The following SNX13 variants were observed in gnomAD, a reference collection of about 807,000 sequenced individuals.
The protein encoded by SNX13 is sorting nexin 13, also known as sorting nexin-13.
A neutral mutation model predicts 133.6 loss-of-function variants in SNX13; 45 were observed. That is an observed-to-expected ratio of 0.34 (90% CI 0.27 to 0.43). The LOEUF is 0.43. Ranked by LOEUF, SNX13 falls within the 20% of genes least tolerant of loss-of-function variation. The probability of loss-of-function intolerance (pLI) is 1.00; values close to 1 mark genes in which losing one functional copy is unlikely to be tolerated. For missense variants in SNX13, 1,032 were observed against 1,145.1 expected (o/e 0.90, Z 1.43); for synonymous variants, 414 against 373.9 (o/e 1.11, Z -1.24).
chr7:17,821,422 A>C, intron 18 of SNX13, 87 bp downstream of exon 18: 1 of 1,267,656 alleles, frequency 7.9e-7, no homozygotes, highest in African/African-American at 1.5e-5. Flanking sequence ...TTTTTAATTA[A>C]TCACTCTATC....
chr7:17,888,514 C>A (rs1796263389), intron 5 of SNX13: 3 of 229,520 alleles, frequency 1.3e-5, no homozygotes, highest in African/African-American at 2.3e-5. Context: ...AACTTAAGAA[C>A]AATTTGATTC....
intron 9 of SNX13, among the ~76,000 whole-genome samples, chr7:17,861,717 G>A (rs576743895): frequency 2.0e-4 from 30 of 152,238 alleles, no homozygotes; most frequent in Non-Finnish European, 3.1e-4. Flanking sequence ...GGAGGGCACC[G>A]TGCATGTGGG....
intron 8 of SNX13, among the ~76,000 whole-genome samples, chr7:17,868,730 A>G (rs757657510): frequency 6.6e-6 from 1 of 152,108 alleles, no homozygotes; most frequent in African/African-American, 2.4e-5. Context: ...GGAGTGAAAT[A>G]AAGCAAGATG....
At chr7:17,830,740 A>C (rs1231104540) in intron 15 of SNX13, 1 of 978,014 alleles carries the variant, frequency 1.0e-6, no homozygotes, top group African/African-American at 1.8e-5. Flanking sequence ...AAGAAAATTA[A>C]GTTACCAATT....
chr7:17,921,319 G>C (rs779356582), intron 1 of SNX13, among the ~76,000 whole-genome samples: 5 of 152,142 alleles, frequency 3.3e-5, no homozygotes, highest in African/African-American at 7.2e-5. Context: ...AATACATTCA[G>C]TTATCGATTC....
At chr7:17,922,820 A>G (rs957972909) in intron 1 of SNX13, among the ~76,000 whole-genome samples, 1 of 152,242 alleles carries the variant, frequency 6.6e-6, no homozygotes, top group Non-Finnish European at 1.5e-5. Context: ...ACTACCTTTA[A>G]GAGTAATTTT....
intron 1 of SNX13, among the ~76,000 whole-genome samples, chr7:17,898,567 AC>A (rs1797475255): frequency 6.6e-6 from 1 of 152,234 alleles, no homozygotes; most frequent in Admixed American, 6.5e-5. Flanking sequence ...GGAAAGAAAC[AC>A]AAGCATACCC....
At chr7:17,831,165 T>G (rs780112896) in intron 15 of SNX13, 57 of 984,364 alleles carry the variant, frequency 5.8e-5, no homozygotes, top group Non-Finnish European at 6.8e-5. Flanking sequence ...CATAGTTTAT[T>G]TTCTTGATCA....
intron 4 of SNX13, among the ~76,000 whole-genome samples, chr7:17,890,764 T>G (rs1200161627): frequency 1.3e-5 from 2 of 151,304 alleles, no homozygotes; most frequent in Non-Finnish European, 3.0e-5. Flanking sequence ...TAAATCCAGG[T>G]AAAGACAGGG....
At chr7:17,867,939 T>C (rs1046048185) in intron 9 of SNX13, among the ~76,000 whole-genome samples, 5 of 152,122 alleles carry the variant, frequency 3.3e-5, no homozygotes, top group Admixed American at 1.3e-4. Context: ...AAGAAAACTA[T>C]TGAGTTAACT....
At chr7:17,806,249 C>T (rs1238743611) in intron 20 of SNX13, among the ~76,000 whole-genome samples, 1 of 152,088 alleles carries the variant, frequency 6.6e-6, no homozygotes, top group African/African-American at 2.4e-5. Context: ...ATACTGTGTA[C>T]AAAGGAGAAA....
rs960825974 is a variant in SNX13 at position 17,921,184 on chromosome 7, G to A, written c.12+19100C>T. Among the ~76,000 whole-genome samples the A allele has an allele frequency of 2.5e-4, 38 of 152,110 alleles. 1 individual carries two copies. Among genetic ancestry groups the A allele is most frequent in the Admixed American group, 6.5e-5 (1 of 15,280 alleles). On this transcript the variant is annotated intron_variant, in intron 1 of 25. Coordinates refer to ENST00000428135, the MANE Select transcript of SNX13 (RefSeq NM_015132.5). ...ATGAAATTCAGTCTATCAAGGTCTG[G>A]ACTGACTCCTAAGAACTGTTTACCC...
At chr7:17,864,571 G>C (rs1335008432) in intron 9 of SNX13, among the ~76,000 whole-genome samples, 1 of 152,122 alleles carries the variant, frequency 6.6e-6, no homozygotes, top group Non-Finnish European at 1.5e-5. Flanking sequence ...TGTAAAGAGA[G>C]AGACTGGGTA....
chr7:17,808,292 G>T (rs887909809), intron 20 of SNX13, among the ~76,000 whole-genome samples: 6 of 152,132 alleles, frequency 3.9e-5, no homozygotes, highest in Admixed American at 1.3e-4. Context: ...CACAGCATGA[G>T]AACTTTGTGA....
intron 20 of SNX13, among the ~76,000 whole-genome samples, chr7:17,805,747 A>T (rs1489753949): frequency 2.6e-5 from 4 of 152,204 alleles, no homozygotes; most frequent in Non-Finnish European, 4.4e-5. Context: ...AGAGAAAGTA[A>T]ATCTATATAA....
At chr7:17,822,888 T>G (rs1218305513) in intron 17 of SNX13, among the ~76,000 whole-genome samples, 1 of 152,200 alleles carries the variant, frequency 6.6e-6, no homozygotes, top group Non-Finnish European at 1.5e-5. Context: ...ATACTCAGGA[T>G]AGGATGCAAG....
chr7:17,864,489 T>C (rs1399248390), intron 9 of SNX13, among the ~76,000 whole-genome samples: 1 of 151,820 alleles, frequency 6.6e-6, no homozygotes, highest in Non-Finnish European at 1.5e-5. Flanking sequence ...TGAAAACAAA[T>C]GAAGCATACC....
chr7:17,851,657 A>T (rs1791223634), intron 9 of SNX13, among the ~76,000 whole-genome samples: 1 of 145,738 alleles, frequency 6.9e-6, no homozygotes, highest in African/African-American at 2.5e-5. Flanking sequence ...TGACAACTGG[A>T]ATAGTGGAGT....
chr7:17,886,973 A>G (rs1796074639), intron 5 of SNX13, among the ~76,000 whole-genome samples: 1 of 147,334 alleles, frequency 6.8e-6, no homozygotes, highest in Non-Finnish European at 1.5e-5. Context: ...TTGCTCTACA[A>G]AAAAAAAAAA....
Sources: gnomAD v4.1 joint callset for allele counts (sites outside exome capture counted in the v4.1 genomes callset) on GRCh38, gnomAD v4.1.1 for gene constraint, MANE v1.5 for transcripts, NCBI Gene and HGNC (gene_info 2026-07-23, HGNC 2026-07-21) for gene names.